Variants in TRPM1 observed in about 807,000 individuals in gnomAD.
The protein encoded by TRPM1 is TRPM1-203 APA Isoform, Intron 10.
Under a neutral mutation model 149.4 loss-of-function variants are expected in TRPM1, and 113 were observed. The observed-to-expected ratio is 0.76, with a 90% CI of 0.65 to 0.88. The LOEUF is 0.88. TRPM1 is among the 40% of genes least tolerant of loss of function. The pLI, the probability that TRPM1 is intolerant of heterozygous loss-of-function variation, is 0.00. For missense variants in TRPM1, 1,976 were observed against 2,038.7 expected (o/e 0.97, Z 0.59); for synonymous variants, 741 against 759.5 (o/e 0.98, Z 0.40).
At chr15:31,029,788 T>C (rs2140906825) in intron 23 of TRPM1, among the ~76,000 whole-genome samples, 1 of 152,228 alleles carries the variant, frequency 6.6e-6, no homozygotes, top group East Asian at 1.9e-4. Flanking sequence ...ACAAAATTAT[T>C]AGTTAATAGA....
In TRPM1 at chr15:31,002,361, G is replaced by T; in HGVS notation, c.4339C>A (p.Pro1447Thr). ...LEETKITRYF[P>T]DETINACKTM... The stretch of plus-strand genomic sequence containing the variant: ...TTACAAGCATTGATCGTTTCATCGG[G>T]GAAATAGCGTGTAATTTTGGTTTCT... The change falls in exon 28 of 28, where the codon CCC (proline) becomes ACC (threonine). Residue 1447 changes from proline to threonine, a missense_variant. By Grantham distance (38) the Pro-to-Thr change is conservative. Transcript: ENST00000256552. The T allele has an allele frequency of 6.2e-7, 1 of 1,614,180 alleles. No individual in the cohort carries two copies. The highest frequency in any genetic ancestry group is 8.5e-7 in the Non-Finnish European group (1 of 1,180,042).
chr15:31,157,505 A>T (rs937213522), intron 1 of TRPM1, among the ~76,000 whole-genome samples: 1 of 152,000 alleles, frequency 6.6e-6, no homozygotes, highest in East Asian at 1.9e-4. Context: ...TTGAACTTTG[A>T]CTCTTGACTT....
chr15:31,093,705 G>T (rs1458464656), intron 1 of TRPM1, among the ~76,000 whole-genome samples: 2 of 151,884 alleles, frequency 1.3e-5, no homozygotes, highest in African/African-American at 4.8e-5. Flanking sequence ...AGGTTCAAGT[G>T]ATTCTTGTGC....
chr15:31,086,756 G>C (rs1247824765), intron 1 of TRPM1, among the ~76,000 whole-genome samples: 2 of 152,206 alleles, frequency 1.3e-5, no homozygotes, highest in Non-Finnish European at 2.9e-5. Context: ...CCTGGTCTAA[G>C]GGAGGTTGTT....
At chr15:31,101,956 G>A (rs959093458), upstream of TRPM1, among the ~76,000 whole-genome samples, 4 of 152,232 alleles carry the variant, frequency 2.6e-5, no homozygotes, top group African/African-American at 9.6e-5. Context: ...CCTTTGAAGT[G>A]GCCCCGCCAT....
chr15:31,137,109 T>C (rs1477898152), intron 1 of TRPM1, among the ~76,000 whole-genome samples: 1 of 152,224 alleles, frequency 6.6e-6, no homozygotes, highest in Non-Finnish European at 1.5e-5. Context: ...ATTTGTGCTG[T>C]GGCAGGGCAC....
At chr15:31,081,012 A>G (rs2140983323) in intron 2 of TRPM1, among the ~76,000 whole-genome samples, 1 of 152,224 alleles carries the variant, frequency 6.6e-6, no homozygotes, top group South Asian at 2.1e-4. Flanking sequence ...AGTCTGTTCC[A>G]TCACAAGGGG....
intron 4 of TRPM1, 37 bp from the exon 5 acceptor site, chr15:31,068,129 G>C: frequency 6.3e-7 from 1 of 1,589,860 alleles, no homozygotes; most frequent in Non-Finnish European, 8.6e-7. Context: ...CTCTGTTCTT[G>C]GTTTTGCTTC....
At position 31,155,506 on chromosome 15, in the gene TRPM1, G is replaced by A. The variant is rs377603742; in HGVS notation, c.54+5400C>T. On this transcript the variant is annotated intron_variant, in intron 1 of 26. Transcript: ENST00000542188. ...CCTCAGCTTCACCCTCACTCTTCCT[G>A]TGGCTCGCTTGCGAAGTATCAAAAC... 5.6e-4 allele frequency among the ~76,000 whole-genome samples: 86 copies of A among 152,330 alleles called. No individual in the cohort carries two copies. The Middle Eastern group carries it at 0.014, about 24-fold the overall frequency.
intron 1 of TRPM1, among the ~76,000 whole-genome samples, chr15:31,112,285 C>A (rs1473360857): frequency 6.6e-6 from 1 of 152,162 alleles, no homozygotes; most frequent in Admixed American, 6.5e-5. Context: ...TTGAGATCAG[C>A]CTGACCAACA....
In TRPM1 at chr15:31,054,134, TA is replaced by T. The variant is rs563055162; in HGVS notation, c.1264-3553del. On this transcript the variant is annotated intron_variant, in intron 11 of 27. Coordinates refer to ENST00000256552, the MANE Select transcript of TRPM1 (RefSeq NM_001252024.2). ...GGCATAGAGTGTCCATTTTGCAAGA[TA>T]AAAAAGCTCTTGAGATGAATGTTGG... Among the ~76,000 whole-genome samples, 6 of 152,314 alleles carry T rather than the reference TA, an allele frequency of 3.9e-5. No individual in the cohort carries two copies. The South Asian group carries it at 1.2e-3, about 32-fold the overall frequency.
At chr15:31,083,733 G>A (rs2034924021) in intron 1 of TRPM1, among the ~76,000 whole-genome samples, 2 of 152,200 alleles carry the variant, frequency 1.3e-5, no homozygotes, top group Admixed American at 1.3e-4. Context: ...TGGTTCAGCT[G>A]AGAGTCCTGC....
intron 1 of TRPM1, among the ~76,000 whole-genome samples, chr15:31,107,657 T>C (rs959819671): frequency 1.1e-4 from 16 of 152,062 alleles, no homozygotes; most frequent in African/African-American, 3.9e-4. Flanking sequence ...GGTTATTTAT[T>C]TGAGATCTTT....
Position 31,088,598 on chromosome 15 carries a change from C to T in TRPM1, c.-83-7160G>A, listed in dbSNP as rs376586370. On this transcript the variant is annotated intron_variant, in intron 1 of 27. Transcript: ENST00000256552. ...TGAAGTGAGCAAGGCCAAGAACCCA[C>T]CGGAAGGAAGAAACGTAGGAAACAT... 9.8e-5 allele frequency among the ~76,000 whole-genome samples: 15 copies of T among 152,330 alleles called. 2 individuals are homozygous for T. The highest frequency in any genetic ancestry group is 6.5e-4 in the Admixed American group (10 of 15,300).
chr15:31,140,813 C>CTTTG (rs200139571), intron 1 of TRPM1, among the ~76,000 whole-genome samples: 19 of 151,908 alleles, frequency 1.3e-4, no homozygotes, highest in South Asian at 4.2e-4. Context: ...ATTTTATAAT[C>CTTTG]TTTGTTTGTT....
chr15:31,087,481 C>T (rs971097462), intron 1 of TRPM1, among the ~76,000 whole-genome samples: 1 of 151,802 alleles, frequency 6.6e-6, no homozygotes, highest in Non-Finnish European at 1.5e-5. Context: ...GTCTCAATCT[C>T]CTGACCTCAT....
chr15:31,089,128 T>C (rs1241285726), intron 1 of TRPM1, among the ~76,000 whole-genome samples: 1 of 152,210 alleles, frequency 6.6e-6, no homozygotes, highest in Non-Finnish European at 1.5e-5. Context: ...GAATACAGTG[T>C]GGAAACTGAA....
intron 1 of TRPM1, among the ~76,000 whole-genome samples, chr15:31,088,956 G>A (rs1024058809): frequency 6.6e-6 from 1 of 152,192 alleles, no homozygotes; most frequent in African/African-American, 2.4e-5. Context: ...CCTCTGTGAG[G>A]CAGTGGGGCT....
intron 1 of TRPM1, among the ~76,000 whole-genome samples, chr15:31,088,647 G>A (rs916683744): frequency 6.6e-6 from 1 of 152,220 alleles, no homozygotes; most frequent in African/African-American, 2.4e-5. Context: ...CTGCGGACAT[G>A]CCACACTCAC....
Sources: allele counts gnomAD v4.1 joint callset (sites outside exome capture counted in the v4.1 genomes callset), GRCh38; gene constraint gnomAD v4.1.1; transcripts MANE v1.5; gene names NCBI Gene and HGNC (gene_info 2026-07-23, HGNC 2026-07-21).